The following DGCR2 variants were observed in gnomAD, a reference collection of about 807,000 sequenced individuals.
DGCR2 encodes integral membrane protein DGCR2/IDD.
In DGCR2, 24 loss-of-function variants were observed where a neutral mutation model predicts 51.6. That is an observed-to-expected ratio of 0.47 (90% confidence interval 0.34 to 0.65). The LOEUF (loss-of-function observed/expected upper bound fraction) is 0.65, where lower values mean the gene tolerates loss of function less well. Among genes scored for constraint, DGCR2 ranks in the 30% least tolerant of loss-of-function variants. The pLI is 0.01. For synonymous variants in DGCR2, 340 were observed against 315.4 expected (o/e 1.08, Z -0.82); for missense variants, 765 against 772.1 (o/e 0.99, Z 0.11).
chr22:19,061,856 C>T (rs1270438441), intron 5 of DGCR2: 2 of 152,206 alleles, frequency 1.3e-5, no homozygotes, highest in African/African-American at 4.8e-5. Context: ...CCAGCTGCAG[C>T]TGCCAGCACC....
intron 2 of DGCR2, among the ~76,000 whole-genome samples, chr22:19,082,065 T>G (rs908093770): frequency 3.1e-5 from 4 of 128,330 alleles, no homozygotes; most frequent in African/African-American, 1.1e-4. Context: ...GTTTTTTTTG[T>G]TTTTTTTTTT....
At chr22:19,070,855 CACAG>C (rs1234824809) in intron 2 of DGCR2, among the ~76,000 whole-genome samples, 1 of 152,232 alleles carries the variant, frequency 6.6e-6, no homozygotes, top group African/African-American at 2.4e-5. Flanking sequence ...AACCTGCCAG[CACAG>C]ACACAGGCCT....
At chr22:19,073,905 G>T (rs2082844143) in intron 2 of DGCR2, among the ~76,000 whole-genome samples, 1 of 152,180 alleles carries the variant, frequency 6.6e-6, no homozygotes, top group African/African-American at 2.4e-5. Flanking sequence ...AGGTGAGAGT[G>T]ACTGATTCTC....
intron 1 of DGCR2, among the ~76,000 whole-genome samples, chr22:19,107,888 G>A (rs1253867898): frequency 1.3e-5 from 2 of 152,232 alleles, no homozygotes; most frequent in Non-Finnish European, 2.9e-5. Flanking sequence ...CCACAGGATA[G>A]CGCAGCCAAT....
At chr22:19,111,050 T>C (rs1201090467) in intron 1 of DGCR2, among the ~76,000 whole-genome samples, 2 of 152,232 alleles carry the variant, frequency 1.3e-5, no homozygotes, top group African/African-American at 2.4e-5. Flanking sequence ...CCTCATCTTT[T>C]ACTTTCATGA....
At chr22:19,097,796 A>C (rs1000069189) in intron 1 of DGCR2, among the ~76,000 whole-genome samples, 8 of 152,156 alleles carry the variant, frequency 5.3e-5, no homozygotes, top group African/African-American at 9.7e-5. Context: ...TGGGCCAATG[A>C]GAAGAGTCTG....
chr22:19,122,053 GT>G, intron 1 of DGCR2, 74 bp downstream of exon 1: 1 of 1,182,142 alleles, frequency 8.5e-7, no homozygotes, highest in Non-Finnish European at 1.1e-6. Flanking sequence ...GGCGCCGCGG[GT>G]GAAAGGAGGT....
intron 2 of DGCR2, among the ~76,000 whole-genome samples, chr22:19,081,595 G>T (rs1306759325): frequency 6.6e-6 from 1 of 152,200 alleles, no homozygotes; most frequent in African/African-American, 2.4e-5. Flanking sequence ...CCAAGAGTTG[G>T]AGAGGATGTG....
At chr22:19,074,412 GAAA>G (rs72460718) in intron 2 of DGCR2, among the ~76,000 whole-genome samples, 17 of 125,030 alleles carry the variant, frequency 1.4e-4, no homozygotes, top group African/African-American at 2.9e-4. Context: ...AGAGCAAGAT[GAAA>G]AAAAAAAAAA....
intron 1 of DGCR2, among the ~76,000 whole-genome samples, chr22:19,107,553 T>C (rs1490695075): frequency 6.6e-6 from 1 of 152,162 alleles, no homozygotes; most frequent in Non-Finnish European, 1.5e-5. Context: ...CTTAGGCAGA[T>C]GTTTGGGAAA....
intron 1 of DGCR2, among the ~76,000 whole-genome samples, chr22:19,092,880 G>A (rs767418707): frequency 5.6e-5 from 8 of 141,938 alleles, no homozygotes; most frequent in African/African-American, 8.2e-5. Flanking sequence ...TGCGAAACAC[G>A]GAAGAAAGAA....
chr22:19,058,418 G>A (rs2146327040), intron 5 of DGCR2, among the ~76,000 whole-genome samples: 1 of 152,240 alleles, frequency 6.6e-6, no homozygotes, highest in East Asian at 1.9e-4. Flanking sequence ...ATACCACCTG[G>A]AGGGCTGGTC....
At chr22:19,048,353 G>T in intron 7 of DGCR2, 87 bp downstream of exon 7, 1 of 1,400,540 alleles carries the variant, frequency 7.1e-7, no homozygotes, top group Non-Finnish European at 1.0e-6. Context: ...ACTCTCCTGA[G>T]TCCTCACCAC....
intron 1 of DGCR2, among the ~76,000 whole-genome samples, chr22:19,111,839 GTTTT>G (rs2083317563): frequency 1.4e-4 from 19 of 132,586 alleles, no homozygotes; most frequent in Admixed American, 6.6e-4. Flanking sequence ...ACTCTTTTTT[GTTTT>G]TATTTTTTAT....
chr22:19,058,539 C>T (rs2082627319), intron 5 of DGCR2, among the ~76,000 whole-genome samples: 1 of 152,224 alleles, frequency 6.6e-6, no homozygotes, highest in African/African-American at 2.4e-5. Context: ...TGCCTTCTCA[C>T]CTAAGTAGAG....
intron 1 of DGCR2, among the ~76,000 whole-genome samples, chr22:19,111,433 G>A (rs1192922505): frequency 1.3e-5 from 2 of 152,174 alleles, no homozygotes; most frequent in Admixed American, 1.3e-4. Context: ...GGTGCAGGAG[G>A]CAAAGCATGT....
At chr22:19,062,572 G>A (rs971225821) in intron 5 of DGCR2, among the ~76,000 whole-genome samples, 1 of 152,184 alleles carries the variant, frequency 6.6e-6, no homozygotes. Context: ...GGGCAAGGGA[G>A]TGTGACCCTG....
chr22:19,041,924 T>A lies in DGCR2; in HGVS notation c.1042A>T (p.Met348Leu). 6.2e-7 allele frequency: 1 copy of A among 1,613,358 alleles called. No individual in the cohort carries two copies. Among genetic ancestry groups the A allele is most frequent in the Non-Finnish European group, 8.5e-7 (1 of 1,179,868 alleles). The change falls in exon 8 of 10, where the codon ATG (methionine) becomes TTG (leucine). Residue 348 changes from methionine (M) to leucine (L), a missense_variant. Physicochemically the swap from Met to Leu is conservative, Grantham distance 15. Transcript: ENST00000263196. ...GAGATGCAGCTGACGACCAGGCGCA[T>A]CCCGCTGGCCATGGAGTCAAACAGA... Reference protein sequence around the residue: ...NSLFDSMASGMRLVVSCISSF... With the variant: ...NSLFDSMASGLRLVVSCISSF...
intron 1 of DGCR2, among the ~76,000 whole-genome samples, chr22:19,104,332 C>A (rs1041613293): frequency 6.6e-6 from 1 of 152,154 alleles, no homozygotes; most frequent in African/African-American, 2.4e-5. Flanking sequence ...AATACAAATT[C>A]TTTCTCTAGA....
Sources: gnomAD v4.1 joint callset for allele counts (sites outside exome capture counted in the v4.1 genomes callset) on GRCh38, gnomAD v4.1.1 for gene constraint, MANE v1.5 for transcripts, NCBI Gene and HGNC (gene_info 2026-07-23, HGNC 2026-07-21) for gene names.